RBM33: variants seen among roughly 807,000 people sequenced by gnomAD.
RBM33 encodes RNA binding motif protein 33.
Under a neutral mutation model 132.6 loss-of-function variants are expected in RBM33, and 28 were observed. The observed-to-expected ratio is 0.21, with a 90% CI of 0.16 to 0.29. The LOEUF (loss-of-function observed/expected upper bound fraction) is 0.29, where lower values mean the gene tolerates loss of function less well. RBM33 is among the 10% of genes least tolerant of loss of function. The pLI is 1.00. For missense variants in RBM33, 1,291 were observed against 1,518.5 expected (o/e 0.85, Z 2.49); for synonymous variants, 634 against 593.0 (o/e 1.07, Z -1.01).
intron 1 of RBM33, among the ~76,000 whole-genome samples, chr7:155,660,585 T>C (rs1798613406): frequency 6.6e-6 from 1 of 152,234 alleles, no homozygotes; most frequent in African/African-American, 2.4e-5. Flanking sequence ...TGCCTCTGGC[T>C]GCTTCTGTTT....
chr7:155,671,435 G>A (rs1798940153), intron 2 of RBM33, among the ~76,000 whole-genome samples: 1 of 152,070 alleles, frequency 6.6e-6, no homozygotes, highest in South Asian at 2.1e-4. Context: ...ACTTACTGGA[G>A]GATAACTTAA....
intron 1 of RBM33, among the ~76,000 whole-genome samples, chr7:155,661,096 T>G (rs865931342): frequency 2.1e-4 from 26 of 121,726 alleles, no homozygotes; most frequent in African/African-American, 7.0e-4. Context: ...TGTGTGTGTG[T>G]GGTGTGTGTG....
chr7:155,693,448 T>C (rs938864214), intron 5 of RBM33, among the ~76,000 whole-genome samples: 1 of 152,136 alleles, frequency 6.6e-6, no homozygotes, highest in Non-Finnish European at 1.5e-5. Context: ...GTATTTTGTC[T>C]TTTTTATACC....
At chr7:155,763,339 T>TA (rs1290962535) in intron 14 of RBM33, among the ~76,000 whole-genome samples, 1 of 152,230 alleles carries the variant, frequency 6.6e-6, no homozygotes, top group Non-Finnish European at 1.5e-5. Flanking sequence ...TTGGAAGACT[T>TA]ACAGTCGCAA....
chr7:155,704,079 A>G (rs1014422653), intron 6 of RBM33, among the ~76,000 whole-genome samples: 1 of 152,188 alleles, frequency 6.6e-6, no homozygotes, highest in Admixed American at 6.5e-5. Flanking sequence ...TTCTCTTCCA[A>G]TCTAGGAGGG....
chr7:155,668,002 A>G (rs779144140), intron 2 of RBM33, among the ~76,000 whole-genome samples: 8 of 152,324 alleles, frequency 5.3e-5, no homozygotes, highest in South Asian at 2.1e-4. Context: ...AAATTTCAGA[A>G]TATATTTTTC....
rs1217828062 is a variant in RBM33 at position 155,741,719 on chromosome 7, T to C, written c.2050-100T>C. ...CTCCCCAAAAGAAGTCATTTACTAA[T>C]TAGAATGATTTATTGTGTTTTTATT... On this transcript the variant is annotated intron_variant, in intron 12 of 17. Transcript: ENST00000401878. 2.6e-6 allele frequency: 3 copies of C among 1,133,140 alleles called. No individual in the cohort carries two copies. The African/African-American group carries it at 4.7e-5, about 18-fold the overall frequency. The allele number at this position is 1,133,140 out of a possible 1,614,324, so 70.2% of individuals were successfully genotyped here.
chr7:155,756,471 A>G (rs1801854371), intron 14 of RBM33, among the ~76,000 whole-genome samples: 1 of 152,222 alleles, frequency 6.6e-6, no homozygotes, highest in Non-Finnish European at 1.5e-5. Context: ...TAAAATCAAA[A>G]GTCAAAATCA....
chr7:155,700,205 G>A (rs1799917279), intron 5 of RBM33, among the ~76,000 whole-genome samples: 1 of 152,218 alleles, frequency 6.6e-6, no homozygotes, highest in Non-Finnish European at 1.5e-5. Flanking sequence ...GTCAAAGATA[G>A]TGATAAATTA....
At chr7:155,682,571 C>T (rs777290968) in intron 5 of RBM33, among the ~76,000 whole-genome samples, 3 of 152,150 alleles carry the variant, frequency 2.0e-5, no homozygotes, top group African/African-American at 2.4e-5. Context: ...GCTAATCGTC[C>T]TGGGTTCTTT....
At chr7:155,674,679 G>A (rs929735963) in intron 3 of RBM33, among the ~76,000 whole-genome samples, 2 of 152,160 alleles carry the variant, frequency 1.3e-5, no homozygotes, top group African/African-American at 4.8e-5. Flanking sequence ...CTGTTCTGGG[G>A]GAAGTCATCT....
chr7:155,661,476 C>T (rs547682290), intron 1 of RBM33, among the ~76,000 whole-genome samples: 5 of 149,290 alleles, frequency 3.3e-5, no homozygotes, highest in East Asian at 4.0e-4. Flanking sequence ...GGTGTGGTCT[C>T]GGCTCCCTGC....
intron 14 of RBM33, among the ~76,000 whole-genome samples, chr7:155,755,697 T>A (rs1213425728): frequency 1.3e-5 from 2 of 152,166 alleles, no homozygotes; most frequent in African/African-American, 4.8e-5. Flanking sequence ...GGTTTAAGAG[T>A]GAAAATAAGA....
chr7:155,727,621 T>G (rs1446753097), intron 9 of RBM33, among the ~76,000 whole-genome samples: 1 of 152,274 alleles, frequency 6.6e-6, no homozygotes, highest in Non-Finnish European at 1.5e-5. Flanking sequence ...GAGCAGCTTT[T>G]GGGATCTTAA....
intron 4 of RBM33, among the ~76,000 whole-genome samples, 173 bp from the exon 5 acceptor site, chr7:155,680,417 C>G (rs1799305669): frequency 6.6e-6 from 1 of 152,214 alleles, no homozygotes; most frequent in Admixed American, 6.5e-5. Context: ...GTTTAGGGCA[C>G]TGGCTCTGTA....
intron 7 of RBM33, chr7:155,707,437 AG>A: frequency 2.6e-6 from 1 of 385,428 alleles, no homozygotes; most frequent in South Asian, 2.0e-5. Context: ...TTTAGGCAGA[AG>A]TTGTTTATTT....
chr7:155,753,617 G>T (rs1344747116), intron 14 of RBM33, among the ~76,000 whole-genome samples: 2 of 152,188 alleles, frequency 1.3e-5, no homozygotes, highest in Non-Finnish European at 2.9e-5. Flanking sequence ...GTCTGAACTT[G>T]CCCATGAGAA....
intron 6 of RBM33, among the ~76,000 whole-genome samples, chr7:155,701,887 C>T (rs536621867): frequency 6.6e-6 from 1 of 152,254 alleles, no homozygotes; most frequent in East Asian, 1.9e-4. Context: ...GGGGTTTCAC[C>T]ATATTGTCCA....
At chr7:155,665,896 T>G (rs1798787917) in intron 2 of RBM33, among the ~76,000 whole-genome samples, 1 of 152,222 alleles carries the variant, frequency 6.6e-6, no homozygotes. Context: ...GGTTATTCTT[T>G]ATAACTTTTT....
Sources: gnomAD v4.1 joint callset for allele counts (sites outside exome capture counted in the v4.1 genomes callset) on GRCh38, gnomAD v4.1.1 for gene constraint, MANE v1.5 for transcripts, NCBI Gene and HGNC (gene_info 2026-07-23, HGNC 2026-07-21) for gene names.